The following SUPT20H variants were observed in gnomAD, a reference collection of about 807,000 sequenced individuals.
SUPT20H encodes the protein SPT20 homolog, SAGA complex component, also known as transcription factor SPT20 homolog.
In SUPT20H, 82 loss-of-function variants were observed where a neutral mutation model predicts 122.8. The ratio of observed to expected loss-of-function variants is 0.67; its 90% CI spans 0.56 to 0.80. The LOEUF (loss-of-function observed/expected upper bound fraction) is 0.80, where lower values mean the gene tolerates loss of function less well. Ranked by LOEUF, SUPT20H falls within the 30% of genes least tolerant of loss-of-function variation. The pLI, the probability that SUPT20H is intolerant of heterozygous loss-of-function variation, is 0.00. For missense variants in SUPT20H, 831 were observed against 921.6 expected (o/e 0.90, Z 1.27); for synonymous variants, 291 against 313.0 (o/e 0.93, Z 0.74).
At chr13:37,057,128 T>A (rs138602505) in intron 1 of SUPT20H, 1,868 of 151,692 alleles carry the variant, frequency 0.012, 16 homozygotes, top group Non-Finnish European at 0.018. Context: ...GTGAGACTTG[T>A]CACTACTAAG....
Position 37,012,204 on chromosome 13 carries a change from A to C in SUPT20H, c.2086T>G (p.Ser696Ala). 1 of 1,612,924 alleles carries C rather than the reference A, an allele frequency of 6.2e-7. No homozygotes were observed. Among genetic ancestry groups the C allele is most frequent in the Non-Finnish European group, 8.5e-7 (1 of 1,179,104 alleles). ...TGAAGATACCTACCAGCTGCCTGTG[A>C]CTGCATAAAACTTCCTACTCCAGTA... ...NLTGVGSFMQSQAAVLSQLGS... is the reference protein window; with the variant it reads ...NLTGVGSFMQAQAAVLSQLGS... The change falls in exon 24 of 26, where the codon TCA becomes GCA. Residue 696 changes from serine (S) to alanine (A), a missense_variant. Physicochemically the swap from Ser to Ala is moderately conservative, Grantham distance 99. Coordinates refer to ENST00000350612, the MANE Select transcript of SUPT20H (RefSeq NM_001014286.3).
At position 37,022,640 on chromosome 13, in the gene SUPT20H, A is replaced by T; in HGVS notation, c.1592-560T>A. 1.9e-6 allele frequency: 2 copies of T among 1,040,584 alleles called. No homozygotes were observed. Among genetic ancestry groups the T allele is most frequent in the South Asian group, 8.9e-5 (2 of 22,506 alleles). 64.5% of individuals were successfully genotyped at this position (1,040,584 alleles called of 1,614,324 possible). Reference sequence around the variant, plus strand: ...CTTTGGCCTAAAAAGTTCAAAACGAATTCAAATTAATTTGTTATTTACGAT... The same window carrying T: ...CTTTGGCCTAAAAAGTTCAAAACGATTTCAAATTAATTTGTTATTTACGAT... On this transcript the variant is annotated intron_variant, in intron 19 of 25. Coordinates refer to ENST00000350612, the MANE Select transcript of SUPT20H (RefSeq NM_001014286.3). The surrounding 1 kb of genome is among the most constrained non-coding windows in gnomAD (Gnocchi z 4.5).
chr13:37,047,971 T>C lies in SUPT20H; in HGVS notation c.40-35A>G. ...AAAAGTTTATGAGAACAGCTTGCTTTTTGCTTTTGACTATGAACAACTGTA... is the reference window on the plus strand; with the variant it reads ...AAAAGTTTATGAGAACAGCTTGCTTCTTGCTTTTGACTATGAACAACTGTA... On this transcript the variant is annotated intron_variant, in intron 3 of 25. Transcript: ENST00000350612. 3 of 1,571,766 alleles carry C rather than the reference T, an allele frequency of 1.9e-6. No individual in the cohort carries two copies. In the African/African-American group the frequency reaches 4.1e-5, roughly 21 times the overall value.
intron 9 of SUPT20H, among the ~76,000 whole-genome samples, chr13:37,035,927 C>A (rs2064296606): frequency 6.6e-6 from 1 of 152,178 alleles, no homozygotes; most frequent in African/African-American, 2.4e-5. Context: ...GTTGATAATG[C>A]AGCAGCAACA....
At chr13:37,027,853 G>A (rs1007847807) in intron 14 of SUPT20H, among the ~76,000 whole-genome samples, 3 of 152,052 alleles carry the variant, frequency 2.0e-5, no homozygotes, top group Non-Finnish European at 4.4e-5. Flanking sequence ...ATGTTCAAAG[G>A]TTAAAGTCCT....
chr13:37,048,679 TTTTC>T, intron 2 of SUPT20H, 80 bp from the exon 3 acceptor site: 1 of 1,305,358 alleles, frequency 7.7e-7, no homozygotes. Flanking sequence ...ATTTCTAATG[TTTTC>T]TAAAACAGGT....
In SUPT20H at chr13:37,019,393, A is replaced by AACACCTG. The variant is rs2061098406; in HGVS notation, c.1817-3_1820dup (p.Pro608ArgfsTer28). 6.2e-7 allele frequency: 1 copy of AACACCTG among 1,601,200 alleles called. No homozygotes were observed. The highest frequency in any genetic ancestry group is 8.5e-7 in the Non-Finnish European group (1 of 1,174,606). On this transcript the variant is annotated frameshift_variant, in exon 22 of 26. Coordinates refer to ENST00000350612, the MANE Select transcript of SUPT20H (RefSeq NM_001014286.3). LOFTEE classifies it high-confidence loss of function. ...TTGAAGTATTTTTTAAACCAAATGGAACACCTGTTAAATAAAACTCATGGT... is the reference window on the plus strand; with the variant it reads ...TTGAAGTATTTTTTAAACCAAATGGAACACCTGACACCTGTTAAATAAAACTCATGGT...
At chr13:37,024,932 C>G in intron 17 of SUPT20H, 1 of 191,724 alleles carries the variant, frequency 5.2e-6, no homozygotes, top group Non-Finnish European at 1.1e-5. Context: ...TACCCCCGCT[C>G]CTCAAAAAAT....
chr13:37,026,986 T>TTA (rs1165173438), intron 14 of SUPT20H, among the ~76,000 whole-genome samples, 170 bp from the exon 15 acceptor site: 1 of 152,102 alleles, frequency 6.6e-6, no homozygotes, highest in Non-Finnish European at 1.5e-5. Context: ...GTCAAACAAA[T>TTA]TAGTCATTTG....
In SUPT20H at chr13:37,017,372, G is replaced by T; in HGVS notation, c.1873-8C>A. ...AAGTGAACCACCTGGAAGCTATTAA[G>T]AATTTAAACAAAAATTAACCAATTT... is the stretch of plus-strand genomic sequence containing the variant. On this transcript the variant is annotated splice_polypyrimidine_tract_variant and splice_region_variant and intron_variant, in intron 22 of 25. Coordinates refer to ENST00000350612, the MANE Select transcript of SUPT20H (RefSeq NM_001014286.3). The T allele has an allele frequency of 6.3e-7, 1 of 1,596,158 alleles. No individual in the cohort carries two copies. Among genetic ancestry groups the T allele is most frequent in the South Asian group, 1.2e-5 (1 of 86,808 alleles).
At chr13:37,010,750 G>A (rs769766966) in intron 24 of SUPT20H, 95 bp from the exon 25 acceptor site, 96 of 829,614 alleles carry the variant, frequency 1.2e-4, no homozygotes, top group Non-Finnish European at 1.7e-4. Context: ...TAATAGAAAA[G>A]TTAGCAGTAT....
At position 37,047,887 on chromosome 13, in the gene SUPT20H, G is replaced by C; in HGVS notation, c.89C>G (p.Ser30Ter). The C allele has an allele frequency of 6.2e-7, 1 of 1,603,770 alleles. No individual in the cohort carries two copies. Among genetic ancestry groups the C allele is most frequent in the South Asian group, 1.1e-5 (1 of 89,286 alleles). ...AATTAATTATTCATACCTTCCACTT[G>C]ATAGGTATTTCCTTTTAGGAGGTCT... ...RQRPPKRKYL[S>*]SGRKSVFQKL... The change falls in exon 4 of 26, where the codon TCA becomes TGA. Residue 30 changes from serine to a stop codon, truncating the protein, a stop_gained. Coordinates refer to ENST00000350612, the MANE Select transcript of SUPT20H (RefSeq NM_001014286.3). LOFTEE classifies it high-confidence loss of function.
intron 2 of SUPT20H, among the ~76,000 whole-genome samples, chr13:37,049,982 A>G (rs73175079): frequency 0.075 from 11,436 of 152,218 alleles, 540 homozygotes; most frequent in Non-Finnish European, 0.1. Context: ...CCACCCACCA[A>G]AGTCCCAGGA....
chr13:37,024,760 C>A, intron 17 of SUPT20H: 1 of 189,614 alleles, frequency 5.3e-6, no homozygotes, highest in Admixed American at 5.8e-5. Flanking sequence ...TCCACTCTTC[C>A]ATACTTATCT....
chr13:37,048,513 T>C (rs749040512), intron 3 of SUPT20H, 51 bp downstream of exon 3: 1 of 1,507,680 alleles, frequency 6.6e-7, no homozygotes, highest in Non-Finnish European at 8.9e-7. Context: ...AACTGAGCTT[T>C]TGTCAATTAA....
intron 7 of SUPT20H, among the ~76,000 whole-genome samples, chr13:37,042,659 T>TATGAAG (rs775396991): frequency 8.5e-4 from 77 of 90,792 alleles, no homozygotes; most frequent in South Asian, 4.4e-3. Flanking sequence ...TTATTCAGTA[T>TATGAAG]ATGAAGATCA....
intron 5 of SUPT20H, 39 bp from the exon 6 acceptor site, chr13:37,045,412 G>A (rs765011341): frequency 1.2e-6 from 2 of 1,602,582 alleles, no homozygotes; most frequent in Middle Eastern, 1.7e-4. Flanking sequence ...AAATAATCCA[G>A]TATAACCTTA....
chr13:37,038,465 T>C (rs2064907567), intron 9 of SUPT20H: 1 of 152,160 alleles, frequency 6.6e-6, no homozygotes, highest in Non-Finnish European at 1.5e-5. Flanking sequence ...AGTTTTTCTG[T>C]TTTCTAATAT....
intron 23 of SUPT20H, 124 bp from the exon 24 acceptor site, chr13:37,012,421 A>G: frequency 1.6e-6 from 1 of 619,898 alleles, no homozygotes; most frequent in Admixed American, 2.9e-5. Flanking sequence ...TAAAAAGAAT[A>G]ACAAGGAAAA....
Sources: allele counts gnomAD v4.1 joint callset (sites outside exome capture counted in the v4.1 genomes callset), GRCh38; gene constraint gnomAD v4.1.1; non-coding constraint Gnocchi (gnomAD v3.1); transcripts MANE v1.5; gene names NCBI Gene and HGNC (gene_info 2026-07-23, HGNC 2026-07-21).